Variants in C17orf67 observed in about 807,000 individuals in gnomAD.
The protein encoded by C17orf67 is chromosome 17 open reading frame 67, also known as uncharacterized protein C17orf67.
Under a neutral mutation model 11.2 loss-of-function variants are expected in C17orf67, and 12 were observed. The observed-to-expected ratio is 1.07, with a 90% CI of 0.68 to 1.73. The LOEUF (loss-of-function observed/expected upper bound fraction) is 1.73, where lower values mean the gene tolerates loss of function less well. Ranked by LOEUF, C17orf67 falls within the 40% of genes most tolerant of loss-of-function variation. The probability of loss-of-function intolerance (pLI) is 0.00; values close to 1 mark genes in which losing one functional copy is unlikely to be tolerated. For synonymous variants in C17orf67, 59 were observed against 46.9 expected, an observed-to-expected ratio of 1.26 and a Z score of -1.05; for missense variants, 115 against 113.5, an observed-to-expected ratio of 1.01 and a Z score of -0.06.
chr17:56,802,812 A>C lies in C17orf67; in HGVS notation c.157-7632T>G, dbSNP rs189683258. Among the ~76,000 whole-genome samples the C allele has an allele frequency of 2.0e-5, 3 of 152,394 alleles. No homozygotes were observed. In the East Asian group the frequency reaches 5.8e-4, roughly 29 times the overall value. The stretch of plus-strand genomic sequence containing the variant: ...GGCTTGTTGAAGAAAAGACTACAGC[A>C]TCATTCTTCAAAGCGTGAGCTGTGC... On this transcript the variant is annotated intron_variant, in intron 6 of 7. Coordinates refer to ENST00000397861, the MANE Select transcript of C17orf67 (RefSeq NM_001085430.4).
chr17:56,816,540 G>A (rs763423479), intron 4 of C17orf67, among the ~76,000 whole-genome samples: 1 of 152,194 alleles, frequency 6.6e-6, no homozygotes, highest in Non-Finnish European at 1.5e-5. Context: ...TAAGAAAAGT[G>A]AGATTCAAAG....
At chr17:56,829,395 G>A (rs1007916520) in intron 2 of C17orf67, among the ~76,000 whole-genome samples, 5 of 152,226 alleles carry the variant, frequency 3.3e-5, no homozygotes, top group South Asian at 2.1e-4. Context: ...AGAAGGGCTG[G>A]CAGAGACGTT....
chr17:56,795,321 C>T (rs1905192839), intron 6 of C17orf67, 141 bp from the exon 7 acceptor site: 2 of 720,734 alleles, frequency 2.8e-6, no homozygotes, highest in African/African-American at 1.7e-5. Context: ...CACACCCATG[C>T]CTCTCTGTAG....
chr17:56,806,217 G>T (rs186301486), intron 6 of C17orf67, among the ~76,000 whole-genome samples: 1 of 151,784 alleles, frequency 6.6e-6, no homozygotes, highest in East Asian at 1.9e-4. Context: ...CTCATGATCC[G>T]GCCGCCTCAG....
rs1285984106 is a variant in C17orf67, at chr17:56,805,403, T to C, written c.156+9466A>G. ...GCACTAAGTTGCCTATACAAAACCC[T>C]ACACGTCATTTTTTATCCCTATTCC... On this transcript the variant is annotated intron_variant, in intron 6 of 7. Transcript: ENST00000397861. Among the ~76,000 whole-genome samples, 3 of 152,164 alleles carry C rather than the reference T, an allele frequency of 2.0e-5. No homozygotes were observed. The East Asian group carries it at 5.8e-4, about 29-fold the overall frequency.
intron 6 of C17orf67, among the ~76,000 whole-genome samples, chr17:56,806,884 A>C (rs1247950599): frequency 6.6e-6 from 1 of 152,202 alleles, no homozygotes; most frequent in Non-Finnish European, 1.5e-5. Context: ...GTGGCAGTGG[A>C]GGGCGAGAAG....
intron 7 of C17orf67, among the ~76,000 whole-genome samples, chr17:56,793,390 G>A (rs1905154007): frequency 6.6e-6 from 1 of 152,120 alleles, no homozygotes; most frequent in Non-Finnish European, 1.5e-5. Flanking sequence ...TGAGGCCTCT[G>A]AGGAACCCTG....
chr17:56,815,712 T>A, intron 5 of C17orf67, 44 bp downstream of exon 5: 4 of 1,521,674 alleles, frequency 2.6e-6, no homozygotes, highest in Non-Finnish European at 3.6e-6. Context: ...CTATTATTTA[T>A]CATGTCAGCA....
rs767349683 is a variant in C17orf67, at chr17:56,814,905, T to C, written c.120A>G (p.Arg40=). 3.7e-6 allele frequency: 6 copies of C among 1,614,094 alleles called. No individual in the cohort carries two copies. The highest frequency in any genetic ancestry group is 5.1e-6 in the Non-Finnish European group (6 of 1,179,986). Residue 40 remains arginine (R), a synonymous_variant, in exon 6 of 8, where the codon AGA becomes AGG. Coordinates refer to ENST00000397861, the MANE Select transcript of C17orf67 (RefSeq NM_001085430.4). ...CATCGGGGAATCCGGGTTTGCTTGG[T>C]CTATCCTGTCGCCGAGATCTTAGGA... The part of the protein sequence containing the change: ...KQLLRSRRQD[R]PSKPGFPDEP...
At chr17:56,793,189 A>C (rs1210758724) in intron 7 of C17orf67, among the ~76,000 whole-genome samples, 1 of 146,516 alleles carries the variant, frequency 6.8e-6, no homozygotes, top group African/African-American at 2.5e-5. Context: ...TCCTAGAATC[A>C]TAAGGAAGGA....
chr17:56,821,497 T>C (rs1905903955), intron 4 of C17orf67, among the ~76,000 whole-genome samples: 2 of 152,154 alleles, frequency 1.3e-5, no homozygotes, highest in South Asian at 4.1e-4. Context: ...GATCCTTCCA[T>C]CTCTATTGTC....
At chr17:56,832,618 T>G (rs1305765941) in intron 2 of C17orf67, among the ~76,000 whole-genome samples, 2 of 152,184 alleles carry the variant, frequency 1.3e-5, no homozygotes, top group Non-Finnish European at 2.9e-5. Context: ...CTAACCTTAC[T>G]TACACTGACC....
Position 56,795,100 on chromosome 17 carries a change from T to C in C17orf67, c.237A>G (p.Lys79=). 6.2e-7 allele frequency: 1 copy of C among 1,613,954 alleles called. No homozygotes were observed. Among genetic ancestry groups the C allele is most frequent in the Non-Finnish European group, 8.5e-7 (1 of 1,179,962 alleles). ...GAATCCTGTTCCTGTCACAGTGGGG[T>C]TTGCAGTGAGGGTTCAGCCAGTGCT... ...FLEHWLNPHC[K]PHCDRNRIHP... The change falls in exon 7 of 8, where the codon AAA becomes AAG. Residue 79 remains lysine, a synonymous_variant. Transcript: ENST00000397861.
chr17:56,828,436 G>A (rs1474054553), intron 2 of C17orf67, among the ~76,000 whole-genome samples: 2 of 152,038 alleles, frequency 1.3e-5, no homozygotes, highest in South Asian at 4.1e-4. Flanking sequence ...CTGTGGTCCT[G>A]ACCAGGTCTC....
rs1905180384 is a variant in C17orf67 at position 56,794,943 on chromosome 17, C to A, written c.*20+101G>T. 19 of 765,800 alleles carry A rather than the reference C, an allele frequency of 2.5e-5. 1 individual carries two copies. In the South Asian group the frequency reaches 3.2e-4, roughly 13 times the overall value. 47.4% of individuals were successfully genotyped at this position (765,800 alleles called of 1,614,324 possible). A position where few individuals can be genotyped will look rare whatever the true frequency, so the allele number is the denominator to read the frequency against. On this transcript the variant is annotated intron_variant, in intron 7 of 7. Coordinates refer to ENST00000397861, the MANE Select transcript of C17orf67 (RefSeq NM_001085430.4). ...TCCAAACCCATAACCAGCTAACCAG[C>A]TGGCCCCCCTGAGGCATGGTCTGGA... is the stretch of plus-strand genomic sequence containing the variant.
In C17orf67 at chr17:56,804,853, CT is replaced by C. The variant is rs148604346; in HGVS notation, c.157-9674del. On this transcript the variant is annotated intron_variant, in intron 6 of 7. Transcript: ENST00000397861. ...CACCCGAGCAATTGGCAAACAACCT[CT>C]TTCCTAAAATTTGAGTAGATTAAGA... 6.3e-3 allele frequency among the ~76,000 whole-genome samples: 956 copies of C among 152,288 alleles called. 14 individuals are homozygous for C. Among genetic ancestry groups the C allele is most frequent in the African/African-American group, 0.022 (907 of 41,566 alleles).
At chr17:56,828,154 C>T (rs543801244) in intron 2 of C17orf67, among the ~76,000 whole-genome samples, 1 of 150,530 alleles carries the variant, frequency 6.6e-6, no homozygotes, top group East Asian at 2.0e-4. Flanking sequence ...GCTTGTAATC[C>T]CAGCACTTTG....
chr17:56,810,279 C>T (rs1033676849), intron 6 of C17orf67, among the ~76,000 whole-genome samples: 6 of 149,652 alleles, frequency 4.0e-5, no homozygotes, highest in African/African-American at 1.5e-4. Context: ...CATGCACCCT[C>T]ACACACCTTC....
intron 2 of C17orf67, among the ~76,000 whole-genome samples, chr17:56,826,155 T>C (rs1051889269): frequency 2.6e-5 from 4 of 152,188 alleles, no homozygotes; most frequent in Admixed American, 6.5e-5. Flanking sequence ...GGTTTCACCA[T>C]GTTGGCCAGG....
Sources: allele counts gnomAD v4.1 joint callset (sites outside exome capture counted in the v4.1 genomes callset), GRCh38; gene constraint gnomAD v4.1.1; transcripts MANE v1.5; gene names NCBI Gene and HGNC (gene_info 2026-07-23, HGNC 2026-07-21).